ITGB6: variants seen among roughly 807,000 people sequenced by gnomAD.
ITGB6 encodes the protein integrin beta-6.
A neutral mutation model predicts 84.5 loss-of-function variants in ITGB6; 80 were observed. That is an observed-to-expected ratio of 0.95 (90% CI 0.79 to 1.14). The LOEUF (loss-of-function observed/expected upper bound fraction) is 1.14. Ranked by LOEUF, ITGB6 falls within the 50% of genes most tolerant of loss-of-function variation. ITGB6 has a pLI of 0.00. For missense variants in ITGB6, 1,006 were observed against 968.0 expected, an observed-to-expected ratio of 1.04 and a Z score of -0.52; for synonymous variants, 383 against 354.9, an observed-to-expected ratio of 1.08 and a Z score of -0.89.
rs183297444 is a variant in ITGB6 at position 160,134,656 on chromosome 2, A to G, written c.1660+2778T>C. Among the ~76,000 whole-genome samples the G allele has an allele frequency of 7.5e-3, 1,138 of 152,368 alleles. 20 individuals carry two copies. Among genetic ancestry groups the G allele is most frequent in the African/African-American group, 0.026 (1,083 of 41,574 alleles). On this transcript the variant is annotated intron_variant, in intron 10 of 14. Coordinates refer to ENST00000283249, the MANE Select transcript of ITGB6 (RefSeq NM_000888.5). ...ATGAACATCGGTGCAAAAATCCTCA[A>G]TAAAATACTGGCAAACCGAATCCAG...
intron 2 of ITGB6, among the ~76,000 whole-genome samples, chr2:160,198,976 T>C (rs1464260750): frequency 6.6e-6 from 1 of 152,222 alleles, no homozygotes; most frequent in Admixed American, 6.5e-5. Flanking sequence ...TTATTTGACA[T>C]CCACTCCTTC....
At chr2:160,106,246 T>C (rs1315614538) in intron 14 of ITGB6, among the ~76,000 whole-genome samples, 1 of 152,180 alleles carries the variant, frequency 6.6e-6, no homozygotes, top group Non-Finnish European at 1.5e-5. Context: ...ATTTATTTAT[T>C]ATTTATTTTG....
intron 7 of ITGB6, among the ~76,000 whole-genome samples, chr2:160,160,201 T>C (rs780355701): frequency 2.0e-5 from 3 of 152,218 alleles, no homozygotes; most frequent in Non-Finnish European, 4.4e-5. Flanking sequence ...ACTTACTATT[T>C]GACCCTTTGT....
At chr2:160,104,284 A>G (rs1696827034) in intron 14 of ITGB6, among the ~76,000 whole-genome samples, 1 of 152,198 alleles carries the variant, frequency 6.6e-6, no homozygotes, top group South Asian at 2.1e-4. Flanking sequence ...AGAGGTCAGG[A>G]TAATGCACTC....
chr2:160,149,209 A>C (rs907244333), intron 7 of ITGB6, among the ~76,000 whole-genome samples: 1 of 152,150 alleles, frequency 6.6e-6, no homozygotes, highest in Admixed American at 6.5e-5. Flanking sequence ...GCCGACAGAC[A>C]CCTCATATAG....
At chr2:160,170,872 A>G (rs1685174236) in intron 6 of ITGB6, among the ~76,000 whole-genome samples, 1 of 152,220 alleles carries the variant, frequency 6.6e-6, no homozygotes, top group African/African-American at 2.4e-5. Context: ...CTCGTTCAAA[A>G]TGGAGCTTTT....
intron 8 of ITGB6, among the ~76,000 whole-genome samples, chr2:160,139,633 C>T (rs1163968147): frequency 6.6e-6 from 1 of 152,106 alleles, no homozygotes; most frequent in East Asian, 1.9e-4. Flanking sequence ...TTCAGCATTG[C>T]TATAATTTAA....
intron 7 of ITGB6, among the ~76,000 whole-genome samples, chr2:160,159,787 A>G (rs1684752628): frequency 6.6e-6 from 1 of 152,212 alleles, no homozygotes; most frequent in South Asian, 2.1e-4. Flanking sequence ...ATCCAAGGAA[A>G]GTCTCACTTT....
At chr2:160,168,962 T>C (rs1685102997) in intron 7 of ITGB6, among the ~76,000 whole-genome samples, 1 of 152,208 alleles carries the variant, frequency 6.6e-6, no homozygotes, top group Non-Finnish European at 1.5e-5. Flanking sequence ...TCCTCCAGCA[T>C]ATCTGTTTCA....
At chr2:160,114,900 GCTAGCACAGC>G (rs1219917123) in intron 12 of ITGB6, among the ~76,000 whole-genome samples, 1 of 152,220 alleles carries the variant, frequency 6.6e-6, no homozygotes, top group African/African-American at 2.4e-5. Flanking sequence ...CTCGCTGATT[GCTAGCACAGC>G]CGCCTTGTAC....
intron 10 of ITGB6, among the ~76,000 whole-genome samples, chr2:160,131,285 C>CTGTAATGCCAAA (rs975560690): frequency 6.6e-6 from 1 of 152,050 alleles, no homozygotes; most frequent in Non-Finnish European, 1.5e-5. Flanking sequence ...ATACAGGAGA[C>CTGTAATGCCAAA]TAATGGAATT....
At chr2:160,171,612 G>A (rs1030413769) in intron 6 of ITGB6, among the ~76,000 whole-genome samples, 4 of 152,168 alleles carry the variant, frequency 2.6e-5, no homozygotes, top group Non-Finnish European at 5.9e-5. Flanking sequence ...GGGATTATAG[G>A]CGTGAGCCAA....
In ITGB6 at chr2:160,112,203, C is replaced by A. The variant is rs766857039; in HGVS notation, c.1982-4G>T. On this transcript the variant is annotated splice_region_variant and splice_polypyrimidine_tract_variant and intron_variant, in intron 12 of 14. Coordinates refer to ENST00000283249, the MANE Select transcript of ITGB6 (RefSeq NM_000888.5). ...ACAGAACCATCCTTTGAGAAATCTG[C>A]AGATAAAGGAGTCATTCATTAGGTT... The A allele has an allele frequency of 4.4e-6, 7 of 1,606,744 alleles. No individual in the cohort carries two copies. In the African/African-American group the frequency reaches 5.4e-5, roughly 12 times the overall value.
intron 13 of ITGB6, among the ~76,000 whole-genome samples, chr2:160,110,649 C>T (rs1258243011): frequency 1.3e-5 from 2 of 152,214 alleles, no homozygotes; most frequent in African/African-American, 4.8e-5. Context: ...TGTCCACAAG[C>T]ACCCTGGTGG....
chr2:160,197,353 G>C (rs1344658551), intron 2 of ITGB6, among the ~76,000 whole-genome samples: 1 of 152,130 alleles, frequency 6.6e-6, no homozygotes, highest in Admixed American at 6.5e-5. Context: ...AAGGATAGCA[G>C]AGGGGCAGTG....
intron 10 of ITGB6, among the ~76,000 whole-genome samples, chr2:160,133,905 A>T (rs557227321): frequency 6.6e-6 from 1 of 152,204 alleles, no homozygotes; most frequent in Non-Finnish European, 1.5e-5. Flanking sequence ...CATTCAAAGC[A>T]GTGTGTAGAG....
In ITGB6 at chr2:160,172,723, A is replaced by T. The variant is rs532660177; in HGVS notation, c.767T>A (p.Ile256Asn). ...IMQAAVCKEK[I>N]GWRNDSLHLL... Reference sequence around the variant, plus strand: ...GTGGAGGGAGTCATTCCGCCAGCCAATTTTTTCCTACAGTGAGAAAGAAAC... The same window carrying T: ...GTGGAGGGAGTCATTCCGCCAGCCATTTTTTTCCTACAGTGAGAAAGAAAC... Residue 256 changes from isoleucine (I) to asparagine (N), a missense_variant, in exon 6 of 15, where the codon ATT (isoleucine) becomes AAT (asparagine). Ile to Asn is a moderately radical substitution (Grantham distance 149, BLOSUM62 -3). Transcript: ENST00000283249. 6.3e-6 allele frequency: 10 copies of T among 1,593,264 alleles called. No individual in the cohort carries two copies. The highest frequency in any genetic ancestry group is 8.6e-6 in the Non-Finnish European group (10 of 1,162,472).
At chr2:160,169,659 C>A (rs1574113282) in intron 6 of ITGB6, among the ~76,000 whole-genome samples, 1 of 152,160 alleles carries the variant, frequency 6.6e-6, no homozygotes, top group African/African-American at 2.4e-5. Context: ...GTGACACTTA[C>A]CAGCAGGCTA....
At chr2:160,151,551 C>T (rs1207020872) in intron 7 of ITGB6, among the ~76,000 whole-genome samples, 1 of 151,988 alleles carries the variant, frequency 6.6e-6, no homozygotes, top group Admixed American at 6.6e-5. Context: ...GAATCAAGAG[C>T]AAATACATTC....
Sources: allele counts gnomAD v4.1 joint callset (sites outside exome capture counted in the v4.1 genomes callset), GRCh38; gene constraint gnomAD v4.1.1; transcripts MANE v1.5; gene names NCBI Gene and HGNC (gene_info 2026-07-23, HGNC 2026-07-21).